MATCAP2: variants seen among roughly 807,000 people sequenced by gnomAD.
MATCAP2 encodes the protein microtubule associated tyrosine carboxypeptidase 2.
chr7:36,368,796 A>C, the MATCAP2 span, among the ~76,000 whole-genome samples: 1 of 152,102 alleles, frequency 6.6e-6, no homozygotes, highest in Non-Finnish European at 1.5e-5. Flanking sequence ...CCTCAATTCC[A>C]GGCACTATTT....
At chr7:36,327,226 C>A in the MATCAP2 span, among the ~76,000 whole-genome samples, 1 of 152,178 alleles carries the variant, frequency 6.6e-6, no homozygotes, top group Non-Finnish European at 1.5e-5. Flanking sequence ...GCAACCTCCA[C>A]CTCCCGGGTT....
chr7:36,331,216 T>C, the MATCAP2 span: 1 of 576,332 alleles, frequency 1.7e-6, no homozygotes, highest in Non-Finnish European at 3.1e-6. Context: ...TTTATTTTTA[T>C]TTAACTATCT....
chr7:36,335,273 C>G, the MATCAP2 span: 2 of 1,171,356 alleles, frequency 1.7e-6, no homozygotes, highest in African/African-American at 3.1e-5. Flanking sequence ...TAAATTAACA[C>G]TGTTTTTTGT....
the MATCAP2 span, among the ~76,000 whole-genome samples, chr7:36,383,379 C>T: frequency 2.0e-5 from 3 of 152,162 alleles, no homozygotes; most frequent in Non-Finnish European, 4.4e-5. Flanking sequence ...TTTACTGCGG[C>T]ACTGTTCACA....
the MATCAP2 span, among the ~76,000 whole-genome samples, chr7:36,360,308 T>TA: frequency 8.0e-5 from 12 of 150,910 alleles, no homozygotes; most frequent in South Asian, 6.3e-4. Flanking sequence ...TTCCAGATAC[T>TA]AAAAAAAAAC....
chr7:36,351,444 T>A, the MATCAP2 span, among the ~76,000 whole-genome samples: 7 of 152,054 alleles, frequency 4.6e-5, no homozygotes, highest in African/African-American at 1.7e-4. Flanking sequence ...GCAAATGCAC[T>A]GCTATGCCAT....
At chr7:36,367,063 C>T in the MATCAP2 span, 3 of 1,275,360 alleles carry the variant, frequency 2.4e-6, no homozygotes, top group African/African-American at 4.7e-5. Context: ...AGGCGGCTCT[C>T]CGCTACCTGG....
chr7:36,356,791 A>C, the MATCAP2 span: 1 of 940,622 alleles, frequency 1.1e-6, no homozygotes, highest in Non-Finnish European at 1.7e-6. Flanking sequence ...AATTAACCAT[A>C]ACATAGAAAT....
the MATCAP2 span, chr7:36,390,144 G>C: frequency 6.3e-7 from 1 of 1,588,356 alleles, no homozygotes; most frequent in Non-Finnish European, 8.6e-7. Flanking sequence ...CGGGCGGAGG[G>C]CGCGTGTGTG....
the MATCAP2 span, chr7:36,366,594 C>T: frequency 8.3e-5 from 106 of 1,284,006 alleles, no homozygotes; most frequent in Admixed American, 2.4e-4. Flanking sequence ...AATCACACAC[C>T]TAGCGTGTTT....
chr7:36,375,319 A>G, the MATCAP2 span, among the ~76,000 whole-genome samples: 1 of 152,128 alleles, frequency 6.6e-6, no homozygotes, highest in Non-Finnish European at 1.5e-5. Context: ...CATGTGTCGA[A>G]GGCCTTTTCT....
chr7:36,365,317 C>T, the MATCAP2 span, among the ~76,000 whole-genome samples: 1 of 152,180 alleles, frequency 6.6e-6, no homozygotes, highest in Non-Finnish European at 1.5e-5. Flanking sequence ...CTACCCCTCA[C>T]CCCTGCCCAA....
the MATCAP2 span, among the ~76,000 whole-genome samples, chr7:36,338,569 A>T: frequency 6.6e-6 from 1 of 152,084 alleles, no homozygotes; most frequent in Non-Finnish European, 1.5e-5. Context: ...CTGGGATTAC[A>T]GGTATGAGTC....
the MATCAP2 span, among the ~76,000 whole-genome samples, chr7:36,374,852 C>T: frequency 8.5e-5 from 13 of 152,108 alleles, no homozygotes; most frequent in Admixed American, 3.9e-4. Flanking sequence ...TCCATGTCCC[C>T]ACAAAGGACA....
chr7:36,332,142 A>C, the MATCAP2 span, among the ~76,000 whole-genome samples: 1 of 152,122 alleles, frequency 6.6e-6, no homozygotes, highest in South Asian at 2.1e-4. Context: ...GAAGTATGTG[A>C]AAAAAAGAAA....
At chr7:36,384,686 G>A in the MATCAP2 span, among the ~76,000 whole-genome samples, 4 of 152,158 alleles carry the variant, frequency 2.6e-5, no homozygotes, top group African/African-American at 9.7e-5. Context: ...GTGGCCACCT[G>A]ATCAAAGAAG....
At chr7:36,362,899 T>C in the MATCAP2 span, among the ~76,000 whole-genome samples, 2 of 152,238 alleles carry the variant, frequency 1.3e-5, no homozygotes, top group Non-Finnish European at 2.9e-5. Context: ...TTCGAAGTAC[T>C]TTATCATGGT....
chr7:36,348,260 C>T, the MATCAP2 span, among the ~76,000 whole-genome samples: 1 of 152,118 alleles, frequency 6.6e-6, no homozygotes, highest in Non-Finnish European at 1.5e-5. Flanking sequence ...AAATTAGGTA[C>T]ATAAAGATTT....
chr7:36,374,491 G>A, the MATCAP2 span, among the ~76,000 whole-genome samples: 3 of 152,068 alleles, frequency 2.0e-5, no homozygotes, highest in Non-Finnish European at 2.9e-5. Flanking sequence ...TACGTTCTAA[G>A]AACAAGATTC....
Sources: gnomAD v4.1 joint callset for allele counts (sites outside exome capture counted in the v4.1 genomes callset) on GRCh38, gnomAD v4.1.1 for gene constraint, MANE v1.5 for transcripts, NCBI Gene and HGNC (gene_info 2026-07-23, HGNC 2026-07-21) for gene names.